The following ASPM variants were observed in gnomAD, a reference collection of about 807,000 sequenced individuals.
ASPM encodes assembly factor for spindle microtubules, also known as abnormal spindle-like microcephaly-associated protein.
Under a neutral mutation model 366.4 loss-of-function variants are expected in ASPM, and 256 were observed. That is an observed-to-expected ratio of 0.70 (90% CI 0.63 to 0.77). The LOEUF is 0.77. ASPM is among the 30% of genes least tolerant of loss of function. The probability of loss-of-function intolerance (pLI) is 0.00; values close to 1 mark genes in which losing one functional copy is unlikely to be tolerated. For missense variants in ASPM, 4,146 were observed against 4,090.4 expected (o/e 1.01, Z -0.37); for synonymous variants, 1,414 against 1,342.9 (o/e 1.05, Z -1.16).
rs774808647 is a variant in ASPM, at chr1:197,104,581, C to G, written c.4670G>C (p.Cys1557Ser). 6.2e-7 allele frequency: 1 copy of G among 1,612,896 alleles called. No homozygotes were observed. The highest frequency in any genetic ancestry group is 8.5e-7 in the Non-Finnish European group (1 of 1,179,434). The stretch of plus-strand genomic sequence containing the variant: ...AACACAAGCAGCTCTAATTTGTCTA[C>G]ATAAATTATGAGCTTTCAGTCTCCT... ...AFRRLKAHNL[C>S]RQIRAACVIQ... Residue 1557 changes from cysteine (C) to serine (S), a missense_variant, in exon 18 of 28, where the codon TGT becomes TCT. Physicochemically the swap from Cys to Ser is moderately radical, Grantham distance 112 (BLOSUM62 -1). Transcript: ENST00000367409.
At chr1:197,144,253 C>T (rs765978272) in intron 1 of ASPM, among the ~76,000 whole-genome samples, 153 bp from the exon 2 acceptor site, 2 of 151,882 alleles carry the variant, frequency 1.3e-5, no homozygotes, top group Non-Finnish European at 2.9e-5. Flanking sequence ...TTTCTCCTAC[C>T]CTATCTGCTT....
intron 6 of ASPM, 140 bp from the exon 7 acceptor site, chr1:197,132,492 A>G: frequency 1.5e-6 from 1 of 687,666 alleles, no homozygotes; most frequent in Non-Finnish European, 2.5e-6. Context: ...ATACACTTAT[A>G]GTCTTAAATA....
Position 197,104,519 on chromosome 1 carries a change from G to C in ASPM, c.4732C>G (p.Arg1578Gly), listed in dbSNP as rs753406334. ...ATAGTCTTCTTAAGGTTTAAAAATC[G>C]AACTCTGTCTTGTCTCATTCTCCAG... ...SYWRMRQDRV[R>G]FLNLKKTIIK... is the part of the protein sequence containing the mutation. The change falls in exon 18 of 28, where the codon CGA (arginine) becomes GGA (glycine). Residue 1578 changes from arginine (R) to glycine (G), a missense_variant. By Grantham distance (125) the Arg-to-Gly change is moderately radical. Around this residue, in one of 3 missense-constraint regions of ASPM, gnomAD observed 3,624 missense variants for 3,591.7 expected, o/e 1.01. Coordinates refer to ENST00000367409, the MANE Select transcript of ASPM (RefSeq NM_018136.5). 1 of 1,612,292 alleles carries C rather than the reference G, an allele frequency of 6.2e-7. No homozygotes were observed.
At chr1:197,133,738 T>C in intron 5 of ASPM, 143 bp from the exon 6 acceptor site, 1 of 927,014 alleles carries the variant, frequency 1.1e-6, no homozygotes. Context: ...GGCCAATCTA[T>C]CATCGCAACC....
At position 197,103,371 on chromosome 1, in the gene ASPM, T is replaced by C. The variant is rs895851920; in HGVS notation, c.5880A>G (p.Gly1960=). Residue 1960 remains glycine, a synonymous_variant, in exon 18 of 28, where the codon GGA becomes GGG. Transcript: ENST00000367409. ...TTTGAAGCTGTCTTCTCAGTGTTTTTCCCTTCCACATAGATTGAAGCACCA... is the reference window on the plus strand; with the variant it reads ...TTTGAAGCTGTCTTCTCAGTGTTTTCCCCTTCCACATAGATTGAAGCACCA... ...AVLVLQSMWK[G]KTLRRQLQRQ... 1.2e-6 allele frequency: 2 copies of C among 1,613,222 alleles called. No individual in the cohort carries two copies. The highest frequency in any genetic ancestry group is 2.7e-5 in the African/African-American group (2 of 74,838).
chr1:197,128,031 G>C (rs186194160), intron 10 of ASPM, among the ~76,000 whole-genome samples: 1 of 152,116 alleles, frequency 6.6e-6, no homozygotes, highest in Non-Finnish European at 1.5e-5. Context: ...TGGGCGTGGT[G>C]GTGGGCACCT....
At chr1:197,127,810 A>C (rs1190327735) in intron 10 of ASPM, among the ~76,000 whole-genome samples, 1 of 152,198 alleles carries the variant, frequency 6.6e-6, no homozygotes, top group Non-Finnish European at 1.5e-5. Flanking sequence ...ATGTAAAACA[A>C]GGTTAATACT....
At position 197,128,761 on chromosome 1, in the gene ASPM, AAAAT is replaced by A. The variant is rs150344996; in HGVS notation, c.2761-100_2761-97del. ...CAAATCATTCTGTACATATAAAAATAAAATAATATAAAAAGTTTCATATTATACA... is the reference window on the plus strand; with the variant it reads ...CAAATCATTCTGTACATATAAAAATAAATATAAAAAGTTTCATATTATACA... On this transcript the variant is annotated intron_variant, in intron 9 of 27. Coordinates refer to ENST00000367409, the MANE Select transcript of ASPM (RefSeq NM_018136.5). 375,027 of 971,714 alleles carry A rather than the reference AAAAT, an allele frequency of 0.39. 77,871 individuals are homozygous for A. The highest frequency in any genetic ancestry group is 0.44 in the Non-Finnish European group (292,339 of 667,742). The allele number at this position is 971,714 out of a possible 1,614,324, so 60.2% of individuals were successfully genotyped here.
Position 197,139,053 on chromosome 1 carries a change from G to A in ASPM, c.2026+714C>T, listed in dbSNP as rs556345294. 38 of 743,136 alleles carry A rather than the reference G, an allele frequency of 5.1e-5. No individual in the cohort carries two copies. In the East Asian group the frequency reaches 8.8e-4, roughly 17 times the overall value. 46.0% of individuals were successfully genotyped at this position (743,136 alleles called of 1,614,324 possible). ...AGATTTCTTGAAAACTAACTGGCTG[G>A]TTGTCTGGGCCCAGATCTGTAAAGC... On this transcript the variant is annotated intron_variant, in intron 4 of 27. Coordinates refer to ENST00000367409, the MANE Select transcript of ASPM (RefSeq NM_018136.5).
Position 197,102,419 on chromosome 1 carries a change from T to A in ASPM, c.6832A>T (p.Met2278Leu), listed in dbSNP as rs746854361. ...TTGAGAGAGAGGAATCTTCTTCTCA[T>A]CATTAGAGTTCTAAATCTCCTCTGA... Reference protein sequence around the residue: ...LIQRRFRTLMMRRRFLSLKKT... With the variant: ...LIQRRFRTLMLRRRFLSLKKT... Residue 2278 changes from methionine to leucine, a missense_variant, in exon 18 of 28, where the codon ATG becomes TTG. Physicochemically the swap from Met to Leu is conservative, Grantham distance 15. Around this residue, in one of 3 missense-constraint regions of ASPM, gnomAD observed 3,624 missense variants for 3,591.7 expected, o/e 1.01. Coordinates refer to ENST00000367409, the MANE Select transcript of ASPM (RefSeq NM_018136.5). 1 of 1,612,708 alleles carries A rather than the reference T, an allele frequency of 6.2e-7. No individual in the cohort carries two copies. Among genetic ancestry groups the A allele is most frequent in the Non-Finnish European group, 8.5e-7 (1 of 1,179,250 alleles).
chr1:197,098,402 G>A (rs896400603), intron 18 of ASPM, among the ~76,000 whole-genome samples: 3 of 151,446 alleles, frequency 2.0e-5, no homozygotes, highest in African/African-American at 7.3e-5. Flanking sequence ...ATGCAGTAAA[G>A]TTTTAGACCA....
chr1:197,111,897 T>TTA (rs1657597622), intron 17 of ASPM, among the ~76,000 whole-genome samples: 2 of 152,178 alleles, frequency 1.3e-5, no homozygotes, highest in Non-Finnish European at 2.9e-5. Flanking sequence ...AAAGGAATGC[T>TTA]TATACACTGT....
rs368335861 is a variant in ASPM at position 197,123,448 on chromosome 1, A to G, written c.3390+662T>C. Reference sequence around the variant, plus strand: ...TTTAGCTAGTATGCAAATTCCAAATATGGAATTAATTAATACCGATGATCA... The same window carrying G: ...TTTAGCTAGTATGCAAATTCCAAATGTGGAATTAATTAATACCGATGATCA... On this transcript the variant is annotated intron_variant, in intron 13 of 27. Transcript: ENST00000367409. Among the ~76,000 whole-genome samples, 9 of 152,280 alleles carry G rather than the reference A, an allele frequency of 5.9e-5. No individual in the cohort carries two copies. The East Asian group carries it at 1.3e-3, about 23-fold the overall frequency.
chr1:197,114,300 C>T (rs1196112705), intron 17 of ASPM, among the ~76,000 whole-genome samples: 2 of 152,122 alleles, frequency 1.3e-5, no homozygotes, highest in Admixed American at 6.6e-5. Flanking sequence ...AATCTTTTTG[C>T]TAGTGGAGGG....
chr1:197,113,088 T>G (rs1657636404), intron 17 of ASPM, among the ~76,000 whole-genome samples: 2 of 152,184 alleles, frequency 1.3e-5, no homozygotes, highest in Non-Finnish European at 2.9e-5. Flanking sequence ...CTGGAGGCCA[T>G]TATCCTAAGT....
chr1:197,097,293 T>C (rs1486578534), intron 18 of ASPM, among the ~76,000 whole-genome samples: 1 of 151,718 alleles, frequency 6.6e-6, no homozygotes, highest in African/African-American at 2.4e-5. Flanking sequence ...TGAATAACTG[T>C]CTTTGTTTCT....
At chr1:197,138,600 G>T (rs1658487698) in intron 4 of ASPM, 1 of 421,438 alleles carries the variant, frequency 2.4e-6, no homozygotes, top group African/African-American at 2.1e-5. Flanking sequence ...GCCCCACTAG[G>T]AGTTCACACT....
chr1:197,114,269 T>C (rs1456118226), intron 17 of ASPM, among the ~76,000 whole-genome samples: 2 of 152,230 alleles, frequency 1.3e-5, no homozygotes, highest in Non-Finnish European at 2.9e-5. Flanking sequence ...CTAAGAACCA[T>C]GTGAGCCTTC....
chr1:197,129,076 T>C, intron 9 of ASPM, 111 bp downstream of exon 9: 2 of 1,240,082 alleles, frequency 1.6e-6, no homozygotes, highest in African/African-American at 1.5e-5. Context: ...CTCCTCTGAG[T>C]ATTATTCTTT....
Sources: gnomAD v4.1 joint callset for allele counts (sites outside exome capture counted in the v4.1 genomes callset) on GRCh38, gnomAD v4.1.1 for gene constraint, gnomAD v4.1.1 regional missense constraint, MANE v1.5 for transcripts, NCBI Gene and HGNC (gene_info 2026-07-23, HGNC 2026-07-21) for gene names.